Variants in TENM3 observed in about 807,000 individuals in gnomAD.
TENM3 encodes teneurin-3.
A neutral mutation model predicts 255.1 loss-of-function variants in TENM3; 63 were observed. The ratio of observed to expected loss-of-function variants is 0.25; its 90% CI spans 0.20 to 0.30. The LOEUF is 0.30. TENM3 is among the 10% of genes least tolerant of loss of function. TENM3 has a pLI of 1.00. For synonymous variants in TENM3, 1,306 were observed against 1,322.3 expected (o/e 0.99, Z 0.27); for missense variants, 2,929 against 3,461.1 (o/e 0.85, Z 3.86).
At chr4:182,267,082 TA>T (rs1759292594) in intron 1 of TENM3, among the ~76,000 whole-genome samples, 2 of 152,204 alleles carry the variant, frequency 1.3e-5, no homozygotes, top group South Asian at 4.1e-4. Flanking sequence ...AAAATGTTCA[TA>T]ACTATCAAAC....
chr4:182,162,369 A>G (rs1476556960), intron 1 of TENM3, among the ~76,000 whole-genome samples: 1 of 152,142 alleles, frequency 6.6e-6, no homozygotes, highest in East Asian at 1.9e-4. Context: ...ATAGAAGAAG[A>G]CATCTATTTT....
intron 3 of TENM3, among the ~76,000 whole-genome samples, chr4:182,372,133 G>T (rs1342748951): frequency 1.3e-5 from 2 of 152,166 alleles, no homozygotes; most frequent in African/African-American, 4.8e-5. Context: ...GAAGACAGCT[G>T]TTGGGGAATA....
At chr4:181,820,486 A>AACAC in the TENM3 span, among the ~76,000 whole-genome samples, 64,448 of 148,020 alleles carry the variant, frequency 0.44, 15,233 homozygotes, top group Non-Finnish European at 0.56. Context: ...ATTTTCTTTA[A>AACAC]ACACACACAC....
intron 4 of TENM3, among the ~76,000 whole-genome samples, chr4:182,613,438 A>T (rs1749194290): frequency 6.6e-6 from 1 of 152,148 alleles, no homozygotes; most frequent in Non-Finnish European, 1.5e-5. Flanking sequence ...TTATAATGGG[A>T]TTTAGTACTT....
At chr4:181,619,062 A>C in the TENM3 span, among the ~76,000 whole-genome samples, 1 of 152,224 alleles carries the variant, frequency 6.6e-6, no homozygotes, top group Admixed American at 6.5e-5. Context: ...ATGGGAGGCC[A>C]GCAGAGATTG....
At chr4:182,526,863 G>A (rs1431848310) in intron 3 of TENM3, among the ~76,000 whole-genome samples, 2 of 152,136 alleles carry the variant, frequency 1.3e-5, no homozygotes, top group African/African-American at 2.4e-5. Context: ...CTGAATCTAT[G>A]TGATGATAGT....
At chr4:181,971,953 C>T in the TENM3 span, among the ~76,000 whole-genome samples, 1 of 151,840 alleles carries the variant, frequency 6.6e-6, no homozygotes, top group African/African-American at 2.4e-5. Flanking sequence ...ATATCGGCAA[C>T]GTCTCTCCTA....
At chr4:181,881,065 G>T in the TENM3 span, among the ~76,000 whole-genome samples, 1 of 152,098 alleles carries the variant, frequency 6.6e-6, no homozygotes, top group Admixed American at 6.6e-5. Flanking sequence ...CTTGAAGCTA[G>T]AATTCTGGGG....
chr4:181,536,898 G>C, the TENM3 span, among the ~76,000 whole-genome samples: 1 of 152,134 alleles, frequency 6.6e-6, no homozygotes, highest in African/African-American at 2.4e-5. Context: ...TGAGGAAATA[G>C]GAAGGGACCC....
At chr4:181,843,083 C>A in the TENM3 span, among the ~76,000 whole-genome samples, 2 of 152,168 alleles carry the variant, frequency 1.3e-5, no homozygotes, top group Non-Finnish European at 1.5e-5. Context: ...CTAAGCTTTT[C>A]CTTCAGTAAC....
the TENM3 span, among the ~76,000 whole-genome samples, chr4:182,138,821 C>T: frequency 3.9e-5 from 6 of 152,078 alleles, no homozygotes; most frequent in South Asian, 2.1e-4. Context: ...GTCTTTACTT[C>T]GCATTATGAT....
chr4:181,865,260 T>C, the TENM3 span, among the ~76,000 whole-genome samples: 415 of 152,366 alleles, frequency 2.7e-3, 1 homozygote, highest in African/African-American at 9.6e-3. Context: ...GTTGTCATTC[T>C]ATTAATATAT....
At chr4:181,973,811 G>A in the TENM3 span, among the ~76,000 whole-genome samples, 1 of 152,136 alleles carries the variant, frequency 6.6e-6, no homozygotes, top group East Asian at 1.9e-4. Context: ...GGAGCTCAGG[G>A]TAGGTCTCAC....
chr4:182,544,996 A>G (rs1462967575), intron 3 of TENM3, among the ~76,000 whole-genome samples: 1 of 152,216 alleles, frequency 6.6e-6, no homozygotes, highest in Non-Finnish European at 1.5e-5. Context: ...GAAAACGTAC[A>G]TGCTGGATCT....
chr4:181,933,808 A>C, the TENM3 span, among the ~76,000 whole-genome samples: 11 of 152,182 alleles, frequency 7.2e-5, no homozygotes, highest in African/African-American at 2.7e-4. Context: ...TCAGCCTACG[A>C]TATCACAAGA....
intron 1 of TENM3, among the ~76,000 whole-genome samples, chr4:182,318,987 T>TG (rs887351263): frequency 6.6e-6 from 1 of 152,158 alleles, no homozygotes; most frequent in African/African-American, 2.4e-5. Flanking sequence ...AGGCTGGTCT[T>TG]GAACTCCTGG....
intron 3 of TENM3, among the ~76,000 whole-genome samples, chr4:182,499,734 C>T (rs529557471): frequency 1.3e-5 from 2 of 152,230 alleles, no homozygotes; most frequent in African/African-American, 4.8e-5. Flanking sequence ...CAACTGATGA[C>T]AGAATATGAA....
intron 26 of TENM3, 76 bp from the exon 27 acceptor site, chr4:182,796,561 T>G: frequency 7.5e-7 from 1 of 1,338,110 alleles, no homozygotes; most frequent in Non-Finnish European, 9.9e-7. Flanking sequence ...GGATTTTCTT[T>G]TTAAGGTAAG....
chr4:181,596,047 G>A, the TENM3 span, among the ~76,000 whole-genome samples: 6 of 152,234 alleles, frequency 3.9e-5, no homozygotes, highest in East Asian at 9.7e-4. Context: ...AAGGTCATAA[G>A]CACCTTGAAG....
Sources: gnomAD v4.1 joint callset for allele counts (sites outside exome capture counted in the v4.1 genomes callset) on GRCh38, gnomAD v4.1.1 for gene constraint, MANE v1.5 for transcripts, NCBI Gene and HGNC (gene_info 2026-07-23, HGNC 2026-07-21) for gene names.